The following MMD2 variants were observed in gnomAD, a reference collection of about 807,000 sequenced individuals.
The protein encoded by MMD2 is monocyte to macrophage differentiation factor 2.
MMD2 carries 30 observed loss-of-function variants against 33.5 expected under a neutral mutation model. The ratio of observed to expected loss-of-function variants is 0.90; its 90% confidence interval spans 0.67 to 1.22. The LOEUF (loss-of-function observed/expected upper bound fraction) is 1.22, where lower values mean the gene tolerates loss of function less well. Among genes scored for constraint, MMD2 ranks in the 50% most tolerant of loss-of-function variants. MMD2 has a pLI of 0.00. For synonymous variants in MMD2, 129 were observed against 123.0 expected, an observed-to-expected ratio of 1.05 and a Z score of -0.32; for missense variants, 364 against 325.4, an observed-to-expected ratio of 1.12 and a Z score of -0.91.
chr7:4,905,367 G>A (rs1784848949), downstream of MMD2, among the ~76,000 whole-genome samples: 1 of 148,374 alleles, frequency 6.7e-6, no homozygotes, highest in South Asian at 2.2e-4. This position sits in a 1 kb window ranked among gnomAD's most constrained non-coding sequence, Gnocchi z 5.0. Context: ...AGGAGGAAGA[G>A]GAAGGGGAAG....
At chr7:4,908,120 TTTTTATAAC>T (rs1784909565) in intron 6 of MMD2, among the ~76,000 whole-genome samples, 2 of 151,514 alleles carry the variant, frequency 1.3e-5, no homozygotes, top group Non-Finnish European at 2.9e-5. Flanking sequence ...TCAAATAATA[TTTTTATAAC>T]TTATCTTATC....
chr7:4,902,632 C>T (rs540140790), downstream of MMD2, among the ~76,000 whole-genome samples: 3 of 152,160 alleles, frequency 2.0e-5, no homozygotes, highest in South Asian at 2.1e-4. Flanking sequence ...CTGAATACCA[C>T]GCCTGTGACA....
chr7:4,934,631 A>G (rs548992190), intron 1 of MMD2, among the ~76,000 whole-genome samples: 64 of 152,182 alleles, frequency 4.2e-4, no homozygotes, highest in Non-Finnish European at 8.8e-4. Flanking sequence ...ACATGAGCAC[A>G]TGGCCATGGC....
At chr7:4,948,859 C>G (rs1013188093) in intron 1 of MMD2, among the ~76,000 whole-genome samples, 2 of 152,108 alleles carry the variant, frequency 1.3e-5, no homozygotes, top group Non-Finnish European at 2.9e-5. Context: ...CTAGTCTAGG[C>G]TAAAATGTAG....
At chr7:4,925,574 G>A in intron 1 of MMD2, 42 bp from the exon 2 acceptor site, 1 of 1,476,372 alleles carries the variant, frequency 6.8e-7, no homozygotes, top group South Asian at 1.3e-5. Context: ...CGCTGGGCAA[G>A]AGGTGCCATC....
At chr7:4,947,300 G>C (rs907495751) in intron 1 of MMD2, among the ~76,000 whole-genome samples, 1 of 152,102 alleles carries the variant, frequency 6.6e-6, no homozygotes, top group African/African-American at 2.4e-5. Context: ...TTCTGGGGAA[G>C]ACTCAGGAAG....
intron 2 of MMD2, 54 bp downstream of exon 2, chr7:4,925,397 C>T: frequency 7.2e-7 from 1 of 1,393,766 alleles, no homozygotes; most frequent in Non-Finnish European, 9.7e-7. Context: ...CCCCCACCCC[C>T]CTTCCCCGGA....
chr7:4,908,532 T>C (rs1439873876), intron 6 of MMD2, among the ~76,000 whole-genome samples: 1 of 152,194 alleles, frequency 6.6e-6, no homozygotes, highest in East Asian at 1.9e-4. Context: ...CACACCCATG[T>C]TCATAGCAGT....
intron 1 of MMD2, among the ~76,000 whole-genome samples, chr7:4,927,572 T>G (rs1268276355): frequency 2.0e-5 from 3 of 151,852 alleles, no homozygotes; most frequent in Non-Finnish European, 4.4e-5. Flanking sequence ...CCAGGCGTGG[T>G]GCCACAGGCC....
In MMD2 at chr7:4,940,870, G is replaced by A. The variant is rs1396829118; in HGVS notation, c.48-15338C>T. On this transcript the variant is annotated intron_variant, in intron 1 of 6. Transcript: ENST00000401401. This position sits in a 1 kb window ranked among gnomAD's most constrained non-coding sequence, Gnocchi z 5.0. ...CCCATGTGAACGGCCCCCTGGGCCT[G>A]GGGGTACTGACCCGACAGATCTGAG... Among the ~76,000 whole-genome samples the A allele has an allele frequency of 2.0e-5, 3 of 152,128 alleles. No individual in the cohort carries two copies. Among genetic ancestry groups the A allele is most frequent in the African/African-American group, 4.8e-5 (2 of 41,438 alleles).
At chr7:4,897,557 C>G in the MMD2 span, among the ~76,000 whole-genome samples, 2 of 152,102 alleles carry the variant, frequency 1.3e-5, no homozygotes, top group Non-Finnish European at 2.9e-5. Context: ...TAAGAAGCAG[C>G]GAGGCCTGCA....
intron 2 of MMD2, among the ~76,000 whole-genome samples, chr7:4,924,741 T>C (rs1258721988): frequency 6.6e-6 from 1 of 152,130 alleles, no homozygotes; most frequent in Non-Finnish European, 1.5e-5. Flanking sequence ...ACAAGAAATA[T>C]TCCCGGTGAC....
chr7:4,905,350 G>A (rs1372880859), downstream of MMD2, among the ~76,000 whole-genome samples: 1 of 149,356 alleles, frequency 6.7e-6, no homozygotes, highest in African/African-American at 2.5e-5. The surrounding 1 kb of genome is among the most constrained non-coding windows in gnomAD (Gnocchi z 5.0). Flanking sequence ...AGAAGAGGAG[G>A]AGGAGAAGGA....
At chr7:4,928,607 T>C (rs1293082083) in intron 1 of MMD2, among the ~76,000 whole-genome samples, 1 of 151,188 alleles carries the variant, frequency 6.6e-6, no homozygotes, top group Non-Finnish European at 1.5e-5. Context: ...GAAGCATTCA[T>C]TGAGCACCTT....
chr7:4,915,153 C>T (rs911834631), intron 4 of MMD2, among the ~76,000 whole-genome samples: 1 of 151,822 alleles, frequency 6.6e-6, no homozygotes, highest in African/African-American at 2.4e-5. Flanking sequence ...CACCTGCAGT[C>T]CCAGCTACTT....
chr7:4,892,585 T>TGTAA, the MMD2 span, among the ~76,000 whole-genome samples: 14 of 143,418 alleles, frequency 9.8e-5, no homozygotes, highest in Non-Finnish European at 1.8e-4. Flanking sequence ...AAGACTCTGC[T>TGTAA]ATAAATAAAT....
chr7:4,933,223 G>T (rs1409834793), intron 1 of MMD2, among the ~76,000 whole-genome samples: 1 of 151,640 alleles, frequency 6.6e-6, no homozygotes, highest in African/African-American at 2.4e-5. Context: ...TTACCTGGGT[G>T]TGGTGGCATG....
intron 1 of MMD2, among the ~76,000 whole-genome samples, chr7:4,933,471 G>A (rs11773026): frequency 0.16 from 24,455 of 152,010 alleles, 2,144 homozygotes; most frequent in East Asian, 0.32. Context: ...TTCCATCCCT[G>A]TCTTTGCTCC....
At chr7:4,958,471 G>A (rs1183856791) in intron 1 of MMD2, among the ~76,000 whole-genome samples, 1 of 152,088 alleles carries the variant, frequency 6.6e-6, no homozygotes, top group Non-Finnish European at 1.5e-5. Flanking sequence ...ACCGCACCCC[G>A]AGCCTCAGTT....
Sources: allele counts gnomAD v4.1 joint callset (sites outside exome capture counted in the v4.1 genomes callset), GRCh38; gene constraint gnomAD v4.1.1; non-coding constraint Gnocchi (gnomAD v3.1); transcripts MANE v1.5; gene names NCBI Gene and HGNC (gene_info 2026-07-23, HGNC 2026-07-21).